Variants in ABCA12 observed in about 807,000 individuals in gnomAD.
The protein encoded by ABCA12 is glucosylceramide transporter ABCA12.
Under a neutral mutation model 293.5 loss-of-function variants are expected in ABCA12, and 156 were observed. The observed-to-expected ratio is 0.53, with a 90% confidence interval of 0.47 to 0.61. The LOEUF is 0.61. Among genes scored for constraint, ABCA12 ranks in the 20% least tolerant of loss-of-function variants. ABCA12 has a pLI of 0.00. For missense variants in ABCA12, 2,797 were observed against 3,090.2 expected (o/e 0.91, Z 2.25); for synonymous variants, 1,063 against 1,108.0 (o/e 0.96, Z 0.81).
At position 214,955,162 on chromosome 2, in the gene ABCA12, T is replaced by C. The variant is rs189327020; in HGVS notation, c.6393+40A>G. The C allele has an allele frequency of 7.2e-5, 115 of 1,606,498 alleles. No individual in the cohort carries two copies. In the African/African-American group the frequency reaches 1.4e-3, roughly 20 times the overall value. ...ATAAAATCTTTCCACCTGGAACATG[T>C]TGAAGCTTTTGATAAATTCACTGAA... On this transcript the variant is annotated intron_variant, in intron 43 of 52. Coordinates refer to ENST00000272895, the MANE Select transcript of ABCA12 (RefSeq NM_173076.3).
chr2:214,935,723 G>A (rs527509267), intron 51 of ABCA12, among the ~76,000 whole-genome samples: 3 of 152,208 alleles, frequency 2.0e-5, no homozygotes, highest in African/African-American at 4.8e-5. Context: ...CTGGAACCCA[G>A]GAGTTCAAGG....
At chr2:215,028,047 T>C (rs6720686) in intron 9 of ABCA12, among the ~76,000 whole-genome samples, 151,949 of 152,318 alleles carry the variant, frequency 1, 75,792 homozygotes, top group East Asian at 1. Flanking sequence ...GTAACTTCTT[T>C]CCTTAGTGTC....
intron 41 of ABCA12, 38 bp downstream of exon 41, chr2:214,958,239 T>C: frequency 6.2e-7 from 1 of 1,612,300 alleles, no homozygotes; most frequent in Non-Finnish European, 8.5e-7. Context: ...TCCAAATTGA[T>C]CTTTTATTCC....
chr2:215,014,067 G>A (rs1337817007), intron 15 of ABCA12, among the ~76,000 whole-genome samples: 2 of 151,894 alleles, frequency 1.3e-5, no homozygotes, highest in Non-Finnish European at 2.9e-5. Context: ...TGTAATCCCA[G>A]CTACTCAGGA....
intron 38 of ABCA12, among the ~76,000 whole-genome samples, chr2:214,967,891 T>C (rs146028403): frequency 4.7e-4 from 71 of 152,252 alleles, no homozygotes; most frequent in African/African-American, 1.7e-3. Flanking sequence ...TAGACAATTT[T>C]AAATCCCTAT....
intron 50 of ABCA12, among the ~76,000 whole-genome samples, chr2:214,939,559 TG>T (rs1341843529): frequency 3.3e-5 from 5 of 152,224 alleles, no homozygotes; most frequent in Admixed American, 6.5e-5. Flanking sequence ...TTGGACAGTA[TG>T]GCCATTTTCA....
At position 215,090,072 on chromosome 2, in the gene ABCA12, G is replaced by A. The variant is rs574183670; in HGVS notation, c.163+21525C>T. Among the ~76,000 whole-genome samples, 5 of 152,150 alleles carry A rather than the reference G, an allele frequency of 3.3e-5. No individual in the cohort carries two copies. In the East Asian group the frequency reaches 5.8e-4, roughly 18 times the overall value. On this transcript the variant is annotated intron_variant, in intron 2 of 52. Coordinates refer to ENST00000272895, the MANE Select transcript of ABCA12 (RefSeq NM_173076.3). ...TTACCTTGTGAAATTCCTTCTCCTG[G>A]CTCAGAAGCTCTCCCACTGAGCTTC...
intron 13 of ABCA12, among the ~76,000 whole-genome samples, chr2:215,018,606 GT>G (rs1415932522): frequency 6.6e-6 from 1 of 152,048 alleles, no homozygotes; most frequent in African/African-American, 2.4e-5. Context: ...GTTATAAAGG[GT>G]TTTTACAATC....
chr2:214,987,956 C>T (rs563993576), intron 26 of ABCA12, among the ~76,000 whole-genome samples, 163 bp from the exon 27 acceptor site: 5 of 152,246 alleles, frequency 3.3e-5, no homozygotes, highest in East Asian at 1.9e-4. Flanking sequence ...AAGCAAAAAA[C>T]GATGCTTTTT....
At chr2:215,101,696 C>A (rs1324343700) in intron 2 of ABCA12, among the ~76,000 whole-genome samples, 2 of 152,062 alleles carry the variant, frequency 1.3e-5, no homozygotes, top group Non-Finnish European at 2.9e-5. Context: ...TGAAAACCTT[C>A]ATAGTACAAA....
At chr2:214,981,014 G>A (rs1699637152) in intron 30 of ABCA12, among the ~76,000 whole-genome samples, 1 of 151,734 alleles carries the variant, frequency 6.6e-6, no homozygotes. Flanking sequence ...GAACCCGGGA[G>A]GTGGAGGGTG....
In ABCA12 at chr2:215,107,065, T is replaced by C. The variant is rs1702477849; in HGVS notation, c.163+4532A>G. 2.0e-5 allele frequency among the ~76,000 whole-genome samples: 3 copies of C among 152,226 alleles called. No homozygotes were observed. In the South Asian group the frequency reaches 6.2e-4, roughly 31 times the overall value. On this transcript the variant is annotated intron_variant, in intron 2 of 52. Transcript: ENST00000272895. Reference sequence around the variant, plus strand: ...ACTTTTAGAGGTATTTAGGGAACAATAGAAAAACATTGTTTTTCATAAACT... The same window carrying C: ...ACTTTTAGAGGTATTTAGGGAACAACAGAAAAACATTGTTTTTCATAAACT...
At chr2:215,058,562 G>C (rs1285090417) in intron 3 of ABCA12, among the ~76,000 whole-genome samples, 1 of 152,016 alleles carries the variant, frequency 6.6e-6, no homozygotes, top group Non-Finnish European at 1.5e-5. Flanking sequence ...AAACTTAGCT[G>C]TCCACTGAAT....
At chr2:214,934,020 A>T (rs898711546) in intron 52 of ABCA12, 58 bp downstream of exon 52, 1 of 1,538,742 alleles carries the variant, frequency 6.5e-7, no homozygotes, top group Admixed American at 1.7e-5. Flanking sequence ...AAATAACCAG[A>T]ATGAATAATA....
chr2:215,080,026 GATTTTCTTTCT>G (rs1371914168), intron 2 of ABCA12, among the ~76,000 whole-genome samples: 1 of 152,108 alleles, frequency 6.6e-6, no homozygotes, highest in African/African-American at 2.4e-5. Context: ...GCTAGTTGGG[GATTTTCTTTCT>G]GCTATATACG....
At chr2:214,937,489 C>T (rs781399966) in intron 51 of ABCA12, 21 bp downstream of exon 51, 2 of 1,590,644 alleles carry the variant, frequency 1.3e-6, no homozygotes, top group African/African-American at 2.7e-5. Context: ...TGAGCCACTG[C>T]ACCCAGCCAT....
At chr2:215,119,740 A>G in intron 1 of ABCA12, among the ~76,000 whole-genome samples, 1 of 144,128 alleles carries the variant, frequency 6.9e-6, no homozygotes. Context: ...AAAGTAAAAA[A>G]AAAAAAAAAA....
At position 214,953,891 on chromosome 2, in the gene ABCA12, G is replaced by T. The variant is rs137853289; in HGVS notation, c.6610C>A (p.Arg2204=). ...VSQGTMFFSL[R]LLINESLIKK... ...ATCAGGGATTCGTTGATTAAGAGTC[G>T]CAAGGAAAAAAACATGGTGCCCTGA... is the stretch of plus-strand genomic sequence containing the variant. Residue 2204 remains arginine (R), a synonymous_variant, in exon 44 of 53, where the codon CGA becomes AGA. Coordinates refer to ENST00000272895, the MANE Select transcript of ABCA12 (RefSeq NM_173076.3). The T allele has an allele frequency of 3.7e-6, 6 of 1,613,714 alleles. No homozygotes were observed. Among genetic ancestry groups the T allele is most frequent in the Non-Finnish European group, 5.1e-6 (6 of 1,179,890 alleles).
intron 30 of ABCA12, 140 bp from the exon 31 acceptor site, chr2:214,980,783 A>T (rs1184144252): frequency 3.6e-6 from 4 of 1,109,520 alleles, no homozygotes; most frequent in Admixed American, 4.0e-5. Context: ...GACTGACCTC[A>T]AAGAGCTTCC....
Sources: allele counts gnomAD v4.1 joint callset (sites outside exome capture counted in the v4.1 genomes callset), GRCh38; gene constraint gnomAD v4.1.1; transcripts MANE v1.5; gene names NCBI Gene and HGNC (gene_info 2026-07-23, HGNC 2026-07-21).